Variants in SMG7 observed in about 807,000 individuals in gnomAD.
SMG7 encodes SMG7 nonsense mediated mRNA decay factor.
In SMG7, 34 loss-of-function variants were observed where a neutral mutation model predicts 148.2. The observed-to-expected ratio is 0.23, with a 90% CI of 0.17 to 0.31. The LOEUF (loss-of-function observed/expected upper bound fraction) is 0.31. SMG7 is among the 10% of genes least tolerant of loss of function. SMG7 has a pLI of 1.00. For synonymous variants in SMG7, 492 were observed against 515.1 expected, an observed-to-expected ratio of 0.96 and a Z score of 0.61; for missense variants, 1,114 against 1,408.4, an observed-to-expected ratio of 0.79 and a Z score of 3.35.
intron 8 of SMG7, among the ~76,000 whole-genome samples, chr1:183,530,962 T>A (rs900354252): frequency 8.5e-5 from 13 of 152,106 alleles, no homozygotes; most frequent in Non-Finnish European, 1.5e-5. Context: ...ACACTAACAC[T>A]CTCTTCACAT....
chr1:183,550,068 G>GA, intron 20 of SMG7, 145 bp downstream of exon 20: 1 of 606,738 alleles, frequency 1.6e-6, no homozygotes, highest in African/African-American at 1.9e-5. Flanking sequence ...CTTCTGAAAG[G>GA]AAATAGAAAA....
chr1:183,508,842 CTG>C (rs774369742), intron 1 of SMG7, among the ~76,000 whole-genome samples: 89 of 152,272 alleles, frequency 5.8e-4, no homozygotes, highest in Admixed American at 9.2e-4. Context: ...TTATATGAGA[CTG>C]TATTTTTTAA....
intron 12 of SMG7, among the ~76,000 whole-genome samples, chr1:183,538,819 G>A (rs1207655310): frequency 6.6e-6 from 1 of 151,884 alleles, no homozygotes; most frequent in Non-Finnish European, 1.5e-5. Flanking sequence ...TTTTAAAAAG[G>A]TAAAATGAAT....
chr1:183,502,325 C>T, intron 1 of SMG7: 3 of 1,534,612 alleles, frequency 2.0e-6, no homozygotes, highest in Non-Finnish European at 2.6e-6. Flanking sequence ...GAAAACGTTT[C>T]ATTTAAGTCC....
At chr1:183,510,668 T>C (rs938352494) in intron 1 of SMG7, among the ~76,000 whole-genome samples, 1 of 152,118 alleles carries the variant, frequency 6.6e-6, no homozygotes, top group African/African-American at 2.4e-5. Context: ...TGCTTTACAT[T>C]TTAATGAAAC....
chr1:183,532,272 T>G (rs1343164297), intron 8 of SMG7, among the ~76,000 whole-genome samples: 1 of 152,162 alleles, frequency 6.6e-6, no homozygotes, highest in Non-Finnish European at 1.5e-5. Flanking sequence ...CTAGTGATAA[T>G]GAATCCCTGC....
intron 4 of SMG7, among the ~76,000 whole-genome samples, chr1:183,518,903 C>T (rs1664149752): frequency 6.6e-6 from 1 of 152,190 alleles, no homozygotes; most frequent in Admixed American, 6.5e-5. Context: ...CTGACTATTG[C>T]TGCCTATATT....
At chr1:183,505,498 C>G (rs1203773154) in intron 1 of SMG7, among the ~76,000 whole-genome samples, 1 of 150,430 alleles carries the variant, frequency 6.6e-6, no homozygotes, top group Non-Finnish European at 1.5e-5. Context: ...CTCCACCCTT[C>G]TGAGTTTGTG....
chr1:183,502,975 A>G (rs977190796), intron 1 of SMG7, among the ~76,000 whole-genome samples: 2 of 152,224 alleles, frequency 1.3e-5, no homozygotes, highest in African/African-American at 2.4e-5. Flanking sequence ...CTGAGAGATG[A>G]TAGTTGCCTC....
At chr1:183,515,527 T>C (rs559001366) in intron 2 of SMG7, among the ~76,000 whole-genome samples, 108 of 152,180 alleles carry the variant, frequency 7.1e-4, no homozygotes, top group African/African-American at 2.6e-3. Flanking sequence ...TTCAAATGGG[T>C]TGGCTTACTG....
At chr1:183,536,905 G>A (rs893393395) in intron 10 of SMG7, among the ~76,000 whole-genome samples, 1 of 152,016 alleles carries the variant, frequency 6.6e-6, no homozygotes, top group Admixed American at 6.6e-5. Flanking sequence ...TAGGAGCATG[G>A]GAAATGATCT....
intron 21 of SMG7, 51 bp downstream of exon 21, chr1:183,550,972 C>T (rs765152569): frequency 3.7e-6 from 6 of 1,613,334 alleles, no homozygotes; most frequent in Non-Finnish European, 5.1e-6. Context: ...TTACTCTATC[C>T]TTCCCTGGGG....
chr1:183,485,040 T>C (rs1027098654), intron 1 of SMG7, among the ~76,000 whole-genome samples: 3 of 152,166 alleles, frequency 2.0e-5, no homozygotes, highest in African/African-American at 7.2e-5. Flanking sequence ...CCAGCACTTT[T>C]ATGTTGTGCC....
intron 4 of SMG7, among the ~76,000 whole-genome samples, chr1:183,522,775 T>A (rs1245057436): frequency 6.6e-6 from 1 of 151,482 alleles, no homozygotes; most frequent in Non-Finnish European, 1.5e-5. Flanking sequence ...AGTTTTTTAG[T>A]TTTTTGTTTT....
intron 1 of SMG7, among the ~76,000 whole-genome samples, chr1:183,496,519 G>A (rs1356831120): frequency 6.6e-6 from 1 of 152,122 alleles, no homozygotes; most frequent in African/African-American, 2.4e-5. Flanking sequence ...AAGATCCTCA[G>A]TGACTTCCAC....
intron 4 of SMG7, among the ~76,000 whole-genome samples, chr1:183,522,546 C>T: frequency 6.6e-6 from 1 of 151,990 alleles, no homozygotes; most frequent in East Asian, 1.9e-4. Flanking sequence ...CATATTTTAA[C>T]ATATCTGAAA....
At position 183,545,036 on chromosome 1, in the gene SMG7, TAC is replaced by T; in HGVS notation, c.2096_2097del (p.Thr699SerfsTer133). 6.2e-7 allele frequency: 1 copy of T among 1,614,068 alleles called. No homozygotes were observed. Among genetic ancestry groups the T allele is most frequent in the Non-Finnish European group, 8.5e-7 (1 of 1,180,002 alleles). ...VSVPGTFLQP[T>X]AHSPAGNQVQ... ...CTGTCCCAGGAACCTTTCTTCAGCCTACAGCTCACTCTCCAGCAGGAAACCAG... is the reference window on the plus strand; with the variant it reads ...CTGTCCCAGGAACCTTTCTTCAGCCTAGCTCACTCTCCAGCAGGAAACCAG... On this transcript the variant is annotated frameshift_variant, in exon 16 of 23. Coordinates refer to ENST00000688051, the MANE Select transcript of SMG7 (RefSeq NM_001375584.1). LOFTEE classifies it high-confidence loss of function.
Position 183,479,047 on chromosome 1 carries a change from A to G in SMG7, c.29+6398A>G, listed in dbSNP as rs192801628. On this transcript the variant is annotated intron_variant, in intron 1 of 22. Transcript: ENST00000688051. ...AATTTTGGCAGGTATGTCACATGGT[A>G]AGTGACAGCTTGTAACCAGCTCTTT... is the stretch of plus-strand genomic sequence containing the variant. 5.4e-3 allele frequency among the ~76,000 whole-genome samples: 826 copies of G among 152,288 alleles called. 12 individuals carry two copies. The highest frequency in any genetic ancestry group is 6.8e-3 in the Middle Eastern group (2 of 294).
At chr1:183,530,921 C>T (rs1666738353) in intron 8 of SMG7, among the ~76,000 whole-genome samples, 1 of 152,036 alleles carries the variant, frequency 6.6e-6, no homozygotes, top group South Asian at 2.1e-4. Flanking sequence ...GTCTAAAAAC[C>T]TAGTAAGTTT....
Sources: gnomAD v4.1 joint callset for allele counts (sites outside exome capture counted in the v4.1 genomes callset) on GRCh38, gnomAD v4.1.1 for gene constraint, MANE v1.5 for transcripts, NCBI Gene and HGNC (gene_info 2026-07-23, HGNC 2026-07-21) for gene names.